MTRF1: variants seen among roughly 807,000 people sequenced by gnomAD.
MTRF1 encodes peptide chain release factor 1, mitochondrial.
MTRF1 carries 51 observed loss-of-function variants against 62.9 expected under a neutral mutation model. That is an observed-to-expected ratio of 0.81 (90% confidence interval 0.65 to 1.02). MTRF1 has a LOEUF of 1.02. MTRF1 is among the 50% of genes least tolerant of loss of function. The pLI is 0.00. For synonymous variants in MTRF1, 158 were observed against 181.9 expected (o/e 0.87, Z 1.06); for missense variants, 446 against 530.0 (o/e 0.84, Z 1.56).
At chr13:41,262,703 AT>A (rs1251911458) in intron 1 of MTRF1, among the ~76,000 whole-genome samples, 5 of 152,154 alleles carry the variant, frequency 3.3e-5, no homozygotes, top group African/African-American at 1.2e-4. Context: ...GCATGCACCT[AT>A]TGTCCCAGCT....
chr13:41,294,291 G>A, the MTRF1 span, among the ~76,000 whole-genome samples: 1 of 151,704 alleles, frequency 6.6e-6, no homozygotes, highest in Non-Finnish European at 1.5e-5. Context: ...GGTGGTACGT[G>A]CCTGTAATTC....
the MTRF1 span, among the ~76,000 whole-genome samples, chr13:41,299,320 T>C: frequency 2.0e-5 from 3 of 152,348 alleles, no homozygotes; most frequent in African/African-American, 7.2e-5. Context: ...ATTGGCTTTA[T>C]CACAACCTCT....
chr13:41,256,640 T>C (rs1215111341), intron 2 of MTRF1, among the ~76,000 whole-genome samples: 1 of 151,896 alleles, frequency 6.6e-6, no homozygotes, highest in Non-Finnish European at 1.5e-5. Context: ...AGAATTTTAA[T>C]GTCACCACTA....
chr13:41,244,858 A>G (rs1457557393), intron 5 of MTRF1, among the ~76,000 whole-genome samples: 1 of 152,196 alleles, frequency 6.6e-6, no homozygotes. Context: ...CCACTCAAAA[A>G]AGCAGCTGAT....
At chr13:41,282,270 A>G in the MTRF1 span, among the ~76,000 whole-genome samples, 1 of 152,214 alleles carries the variant, frequency 6.6e-6, no homozygotes, top group South Asian at 2.1e-4. Context: ...AGCCTGGGCA[A>G]CGGAACAAGA....
At chr13:41,257,083 T>C (rs2039826623) in intron 2 of MTRF1, among the ~76,000 whole-genome samples, 1 of 152,226 alleles carries the variant, frequency 6.6e-6, no homozygotes, top group African/African-American at 2.4e-5. Context: ...GAACCAGGCA[T>C]GTTAACAACG....
At chr13:41,248,969 A>G (rs932080671) in intron 5 of MTRF1, among the ~76,000 whole-genome samples, 1 of 152,174 alleles carries the variant, frequency 6.6e-6, no homozygotes, top group Non-Finnish European at 1.5e-5. Flanking sequence ...AAATGGTTAA[A>G]TATTGTCTCT....
At chr13:41,277,011 C>T in the MTRF1 span, among the ~76,000 whole-genome samples, 1 of 152,094 alleles carries the variant, frequency 6.6e-6, no homozygotes, top group Non-Finnish European at 1.5e-5. Flanking sequence ...GCATAACCAC[C>T]CCCATCCCTT....
At chr13:41,290,992 A>T in the MTRF1 span, among the ~76,000 whole-genome samples, 3 of 151,278 alleles carry the variant, frequency 2.0e-5, no homozygotes, top group South Asian at 4.2e-4. Context: ...GCTACTCGGG[A>T]GGCTGAGGCA....
chr13:41,308,003 C>T, the MTRF1 span, among the ~76,000 whole-genome samples: 1 of 152,122 alleles, frequency 6.6e-6, no homozygotes, highest in Admixed American at 6.5e-5. Flanking sequence ...ACTGCGCTTC[C>T]CTGGGAGATG....
At chr13:41,311,967 C>T in the MTRF1 span, among the ~76,000 whole-genome samples, 18 of 152,356 alleles carry the variant, frequency 1.2e-4, no homozygotes, top group East Asian at 3.3e-3. Flanking sequence ...GCCAGTCTCT[C>T]CTCGGCTAGG....
the MTRF1 span, among the ~76,000 whole-genome samples, chr13:41,310,574 G>T: frequency 4.6e-5 from 7 of 152,328 alleles, no homozygotes; most frequent in African/African-American, 1.7e-4. Context: ...GGAGGCTGAG[G>T]CAGGAGAATC....
At chr13:41,241,337 C>G (rs749086827) in intron 5 of MTRF1, among the ~76,000 whole-genome samples, 5 of 152,156 alleles carry the variant, frequency 3.3e-5, no homozygotes, top group Non-Finnish European at 5.9e-5. Context: ...AGCCACCATG[C>G]CCGGCCACTT....
upstream of MTRF1, among the ~76,000 whole-genome samples, chr13:41,264,442 C>G (rs1389767701): frequency 6.6e-6 from 1 of 152,234 alleles, no homozygotes; most frequent in Non-Finnish European, 1.5e-5. Context: ...CAGCCCTTGG[C>G]TATCGCAATT....
the MTRF1 span, among the ~76,000 whole-genome samples, chr13:41,298,186 CT>C: frequency 6.6e-6 from 1 of 152,032 alleles, no homozygotes; most frequent in African/African-American, 2.4e-5. Context: ...ATCTTTTTTG[CT>C]TTTCCCCTCT....
chr13:41,217,909 T>C (rs1445296695), intron 9 of MTRF1, among the ~76,000 whole-genome samples: 2 of 152,238 alleles, frequency 1.3e-5, no homozygotes, highest in African/African-American at 4.8e-5. Context: ...GAAAACATGA[T>C]GATCTAGAAG....
chr13:41,289,588 G>A, the MTRF1 span, among the ~76,000 whole-genome samples: 1 of 152,116 alleles, frequency 6.6e-6, no homozygotes, highest in Non-Finnish European at 1.5e-5. Context: ...TGGTTGGACC[G>A]AGAACAAGCT....
At chr13:41,288,438 C>T in the MTRF1 span, 27 of 170,408 alleles carry the variant, frequency 1.6e-4, no homozygotes, top group Non-Finnish European at 2.8e-4. Context: ...GTGCCAAGGT[C>T]GTTGTCCATG....
chr13:41,290,703 C>A, the MTRF1 span, among the ~76,000 whole-genome samples: 1 of 151,246 alleles, frequency 6.6e-6, no homozygotes, highest in African/African-American at 2.4e-5. Context: ...TGTAATGGTT[C>A]TTATTTTGAT....
Sources: allele counts gnomAD v4.1 joint callset (sites outside exome capture counted in the v4.1 genomes callset), GRCh38; gene constraint gnomAD v4.1.1; transcripts MANE v1.5; gene names NCBI Gene and HGNC (gene_info 2026-07-23, HGNC 2026-07-21).